PCDHA8: variants seen among roughly 807,000 people sequenced by gnomAD.
The protein encoded by PCDHA8 is protocadherin alpha-8.
Under a neutral mutation model 61.8 loss-of-function variants are expected in PCDHA8, and 53 were observed. The observed-to-expected ratio is 0.86, with a 90% CI of 0.69 to 1.08. The LOEUF (loss-of-function observed/expected upper bound fraction) is 1.08, where lower values mean the gene tolerates loss of function less well. PCDHA8 is among the 50% of genes least tolerant of loss of function. The pLI is 0.00. For synonymous variants in PCDHA8, 618 were observed against 556.6 expected (o/e 1.11, Z -1.55); for missense variants, 1,293 against 1,245.0 (o/e 1.04, Z -0.58).
chr5:140,846,690 C>A (rs1189779221), intron 1 of PCDHA8, among the ~76,000 whole-genome samples: 2 of 149,102 alleles, frequency 1.3e-5, no homozygotes, highest in African/African-American at 4.9e-5. Context: ...GCTTTCTTAG[C>A]AAGTAGAGAA....
chr5:140,974,467 A>C (rs2096628825), intron 1 of PCDHA8, among the ~76,000 whole-genome samples: 1 of 152,228 alleles, frequency 6.6e-6, no homozygotes, highest in Non-Finnish European at 1.5e-5. Context: ...TTCAGAGGAA[A>C]GTATTCCACC....
chr5:140,849,258 G>A lies in PCDHA8; in HGVS notation c.2394+5543G>A, dbSNP rs2150433835. 190 of 1,110,896 alleles carry A rather than the reference G, an allele frequency of 1.7e-4. 6 individuals carry two copies. Among genetic ancestry groups the A allele is most frequent in the Admixed American group, 3.3e-4 (12 of 36,734 alleles). 68.8% of individuals were successfully genotyped at this position (1,110,896 alleles called of 1,614,324 possible). A position where few individuals can be genotyped will look rare whatever the true frequency, so the allele number is the denominator to read the frequency against. Reference sequence around the variant, plus strand: ...GTATACGGTGAAATTACCAGAAAACGTTTCTATCGGAACGCTGGTGATTCA... The same window carrying A: ...GTATACGGTGAAATTACCAGAAAACATTTCTATCGGAACGCTGGTGATTCA... On this transcript the variant is annotated intron_variant, in intron 1 of 3. Transcript: ENST00000531613.
intron 3 of PCDHA8, 100 bp from the exon 4 acceptor site, chr5:141,009,527 G>A: frequency 6.6e-7 from 1 of 1,507,930 alleles, no homozygotes; most frequent in South Asian, 1.4e-5. Context: ...TTTCTGGGGA[G>A]GTTCAGCCTG....
At chr5:140,861,618 C>T (rs1035938345) in intron 1 of PCDHA8, 1 of 340,802 alleles carries the variant, frequency 2.9e-6, no homozygotes, top group Non-Finnish European at 6.0e-6. Flanking sequence ...AGACAACCTG[C>T]CAGTGTTCTC....
rs1554229126 is a variant in PCDHA8 at position 140,967,062 on chromosome 5, T to C, written c.2395-11887T>C. 3 of 1,612,916 alleles carry C rather than the reference T, an allele frequency of 1.9e-6. No individual in the cohort carries two copies. In the Admixed American group the frequency reaches 5.0e-5, roughly 27 times the overall value. ...GAGCTGGACCTGACGAGTGGAGCGC[T>C]CTTCGTCAACGAGCGCATTGATCGG... On this transcript the variant is annotated intron_variant, in intron 1 of 3. Transcript: ENST00000531613.
At chr5:140,956,098 GA>G (rs2095256801) in intron 1 of PCDHA8, among the ~76,000 whole-genome samples, 1 of 152,160 alleles carries the variant, frequency 6.6e-6, no homozygotes, top group African/African-American at 2.4e-5. Context: ...TGCAAACAAA[GA>G]TAATTTGATT....
Position 141,010,329 on chromosome 5 carries a change from G to A in PCDHA8, c.*392G>A. The A allele has an allele frequency of 6.5e-7, 1 of 1,538,672 alleles. No individual in the cohort carries two copies. Among genetic ancestry groups the A allele is most frequent in the Non-Finnish European group, 8.8e-7 (1 of 1,142,532 alleles). On this transcript the variant is annotated 3_prime_UTR_variant, in exon 4 of 4. Transcript: ENST00000531613. ...AGTTTTGAGATTGAGCAGCTTGGGA[G>A]TTTGTGGCCACTGGGTATGTGTGGC...
chr5:140,923,832 T>C (rs1584323997), intron 1 of PCDHA8, among the ~76,000 whole-genome samples: 1 of 152,306 alleles, frequency 6.6e-6, no homozygotes, highest in East Asian at 1.9e-4. Context: ...TCAGTGGCAG[T>C]TTAAATAGAG....
intron 1 of PCDHA8, among the ~76,000 whole-genome samples, chr5:140,962,145 G>A (rs1195781182): frequency 3.3e-5 from 5 of 152,074 alleles, no homozygotes; most frequent in Non-Finnish European, 7.4e-5. Flanking sequence ...AAAGTGCTGG[G>A]ATTACAGGCG....
intron 1 of PCDHA8, chr5:140,863,783 G>A: frequency 4.4e-6 from 1 of 226,522 alleles, no homozygotes; most frequent in South Asian, 6.5e-5. Flanking sequence ...CGGATCACTC[G>A]AGGCCAGGAG....
At chr5:140,896,946 T>A (rs2065814718) in intron 1 of PCDHA8, among the ~76,000 whole-genome samples, 1 of 152,134 alleles carries the variant, frequency 6.6e-6, no homozygotes, top group Non-Finnish European at 1.5e-5. Context: ...GGAATGGCCA[T>A]TCCCTTAAAC....
chr5:140,876,087 G>A, intron 1 of PCDHA8: 4 of 1,613,922 alleles, frequency 2.5e-6, no homozygotes, highest in Non-Finnish European at 2.5e-6. Context: ...GAGAGCAAAC[G>A]CCAAAACTCA....
In PCDHA8 at chr5:140,846,348, C is replaced by G. The variant is rs2150387302; in HGVS notation, c.2394+2633C>G. 4.3e-5 allele frequency among the ~76,000 whole-genome samples: 6 copies of G among 138,740 alleles called. 1 individual carries two copies. Among genetic ancestry groups the G allele is most frequent in the Admixed American group, 4.3e-4 (6 of 13,918 alleles). The allele number at this position is 138,740 out of a possible 152,430, so 91.0% of individuals were successfully genotyped here. Reference sequence around the variant, plus strand: ...TAAATAGCCTTTTAAAGTGCTTTCTCTTTTTTCTTTTCTTTTCTTTCTTTC... The same window carrying G: ...TAAATAGCCTTTTAAAGTGCTTTCTGTTTTTTCTTTTCTTTTCTTTCTTTC... On this transcript the variant is annotated intron_variant, in intron 1 of 3. Coordinates refer to ENST00000531613, the MANE Select transcript of PCDHA8 (RefSeq NM_018911.3).
chr5:140,899,485 G>T (rs2067355642), intron 1 of PCDHA8, among the ~76,000 whole-genome samples: 2 of 152,140 alleles, frequency 1.3e-5, no homozygotes, highest in African/African-American at 4.8e-5. Flanking sequence ...TTATATGCTG[G>T]ATTACATTTA....
intron 3 of PCDHA8, among the ~76,000 whole-genome samples, chr5:141,002,222 G>A (rs1278350490): frequency 2.0e-5 from 3 of 152,212 alleles, no homozygotes; most frequent in Non-Finnish European, 4.4e-5. Context: ...AAAATGATGG[G>A]TTTTCTGGAA....
intron 1 of PCDHA8, chr5:140,875,971 C>A (rs17844352): frequency 1.1e-5 from 17 of 1,614,030 alleles, no homozygotes; most frequent in Non-Finnish European, 1.4e-5. Flanking sequence ...CGTAAACTCT[C>A]TTTTGACCTA....
At chr5:140,978,839 CT>C in intron 1 of PCDHA8, 109 bp from the exon 2 acceptor site, 3 of 1,556,998 alleles carry the variant, frequency 1.9e-6, no homozygotes, top group Non-Finnish European at 2.6e-6. Context: ...TCATTCAATA[CT>C]TTTTTAGATG....
At chr5:140,877,273 T>C (rs1324679559) in intron 1 of PCDHA8, 2 of 1,613,722 alleles carry the variant, frequency 1.2e-6, no homozygotes, top group Non-Finnish European at 1.7e-6. Context: ...GGACGCTGAC[T>C]CCGGCTATAA....
Position 140,869,089 on chromosome 5 carries a change from C to A in PCDHA8, c.2394+25374C>A, listed in dbSNP as rs141432478. On this transcript the variant is annotated intron_variant, in intron 1 of 3. Coordinates refer to ENST00000531613, the MANE Select transcript of PCDHA8 (RefSeq NM_018911.3). Reference sequence around the variant, plus strand: ...AGTGTAAAGAAGCTTATTTTGGAAGCCAATTTCGTATGCGATGTTTGGTTT... The same window carrying A: ...AGTGTAAAGAAGCTTATTTTGGAAGACAATTTCGTATGCGATGTTTGGTTT... 9.7e-5 allele frequency: 154 copies of A among 1,588,996 alleles called. No individual in the cohort carries two copies. The East Asian group carries it at 3.4e-3, about 35-fold the overall frequency.
Sources: gnomAD v4.1 joint callset for allele counts (sites outside exome capture counted in the v4.1 genomes callset) on GRCh38, gnomAD v4.1.1 for gene constraint, MANE v1.5 for transcripts, NCBI Gene and HGNC (gene_info 2026-07-23, HGNC 2026-07-21) for gene names.